The following EPHX2 variants were observed in gnomAD, a reference collection of about 807,000 sequenced individuals.
EPHX2 encodes the protein bifunctional epoxide hydrolase 2.
Under a neutral mutation model 78.7 loss-of-function variants are expected in EPHX2, and 74 were observed. The observed-to-expected ratio is 0.94, with a 90% CI of 0.78 to 1.14. The LOEUF is 1.14. EPHX2 is among the 50% of genes most tolerant of loss of function. EPHX2 has a pLI of 0.00. For missense variants in EPHX2, 715 were observed against 702.5 expected (o/e 1.02, Z -0.20); for synonymous variants, 251 against 255.2 (o/e 0.98, Z 0.16).
intron 12 of EPHX2, among the ~76,000 whole-genome samples, chr8:27,528,791 T>C (rs190829083): frequency 1.5e-4 from 23 of 152,174 alleles, no homozygotes; most frequent in African/African-American, 5.3e-4. Flanking sequence ...CCCCCACTTA[T>C]TTTTTTATTA....
chr8:27,519,561 ATAATT>A (rs1814574229), intron 9 of EPHX2, among the ~76,000 whole-genome samples: 1 of 152,216 alleles, frequency 6.6e-6, no homozygotes, highest in African/African-American at 2.4e-5. Context: ...CATACACTGA[ATAATT>A]CACTGTGCGT....
intron 2 of EPHX2, among the ~76,000 whole-genome samples, chr8:27,502,145 A>C (rs1813823019): frequency 6.6e-6 from 1 of 152,238 alleles, no homozygotes; most frequent in Admixed American, 6.5e-5. Flanking sequence ...CTATCCCAAT[A>C]GATCACTTTT....
intron 2 of EPHX2, among the ~76,000 whole-genome samples, chr8:27,501,324 T>TTTCTTTCTTCTTCTTC (rs1813762178): frequency 9.7e-6 from 1 of 102,914 alleles, no homozygotes; most frequent in African/African-American, 3.7e-5. Flanking sequence ...TGCTATATAT[T>TTTCTTTCTTCTTCTTC]TTCTTCTTCT....
Position 27,544,436 on chromosome 8 carries a change from TC to T in EPHX2, c.1590-3del. On this transcript the variant is annotated splice_region_variant and splice_polypyrimidine_tract_variant and intron_variant, in intron 18 of 18. Coordinates refer to ENST00000521400, the MANE Select transcript of EPHX2 (RefSeq NM_001979.6). ...TATTTTTTTCTTTTACTTCTCCCTT[TC>T]CCCCAGGCCAACCGAGGTGAATCAG... The T allele has an allele frequency of 6.2e-7, 1 of 1,613,920 alleles. No homozygotes were observed. The highest frequency in any genetic ancestry group is 8.5e-7 in the Non-Finnish European group (1 of 1,179,968).
chr8:27,519,948 C>T (rs1814588063), intron 9 of EPHX2, among the ~76,000 whole-genome samples: 1 of 151,966 alleles, frequency 6.6e-6, no homozygotes, highest in African/African-American at 2.4e-5. Flanking sequence ...CTTCCTGTGT[C>T]CTCACGTGCT....
At chr8:27,518,897 C>T (rs920221242) in intron 9 of EPHX2, among the ~76,000 whole-genome samples, 4 of 152,224 alleles carry the variant, frequency 2.6e-5, no homozygotes, top group Non-Finnish European at 5.9e-5. Flanking sequence ...CAAAGTCCTA[C>T]CAAGGTCTCA....
At chr8:27,505,808 G>T (rs1196066487) in intron 4 of EPHX2, among the ~76,000 whole-genome samples, 1 of 152,100 alleles carries the variant, frequency 6.6e-6, no homozygotes, top group Non-Finnish European at 1.5e-5. Flanking sequence ...CAGCCTCAGA[G>T]CAGGGCTCCC....
intron 4 of EPHX2, among the ~76,000 whole-genome samples, chr8:27,505,477 C>T (rs1378559789): frequency 6.6e-6 from 1 of 152,180 alleles, no homozygotes; most frequent in Non-Finnish European, 1.5e-5. Flanking sequence ...GACTAGTAGT[C>T]AGGTTCATCC....
intron 2 of EPHX2, 51 bp from the exon 3 acceptor site, chr8:27,503,553 A>G (rs1813877232): frequency 3.2e-6 from 5 of 1,552,034 alleles, no homozygotes; most frequent in Non-Finnish European, 4.4e-6. Flanking sequence ...AGACCCTGCC[A>G]GAGCTTTTCT....
At chr8:27,548,227 C>T (rs775046250), downstream of EPHX2, among the ~76,000 whole-genome samples, 7 of 152,318 alleles carry the variant, frequency 4.6e-5, no homozygotes, top group East Asian at 1.9e-4. Flanking sequence ...AGGGAACCCA[C>T]GGTTTTAGAC....
At position 27,515,689 on chromosome 8, in the gene EPHX2, C is replaced by A. The variant is rs72475844; in HGVS notation, c.736-29C>A. ...GGGTCCACTGGGCCTGGTGCTTGGTCGCTGCCCTCTCCTCTTTCCCTTCCA... is the reference window on the plus strand; with the variant it reads ...GGGTCCACTGGGCCTGGTGCTTGGTAGCTGCCCTCTCCTCTTTCCCTTCCA... On this transcript the variant is annotated intron_variant, in intron 6 of 18. Transcript: ENST00000521400. The A allele has an allele frequency of 6.3e-4, 1,004 of 1,602,058 alleles. 8 individuals carry two copies. In the African/African-American group the frequency reaches 0.011, roughly 18 times the overall value.
At chr8:27,501,828 G>A (rs570105165) in intron 2 of EPHX2, among the ~76,000 whole-genome samples, 207 of 152,116 alleles carry the variant, frequency 1.4e-3, no homozygotes, top group Non-Finnish European at 2.4e-3. Flanking sequence ...TAACTTCTAG[G>A]AAACTGGCAT....
At chr8:27,538,280 T>C (rs1815276593) in intron 13 of EPHX2, among the ~76,000 whole-genome samples, 1 of 152,240 alleles carries the variant, frequency 6.6e-6, no homozygotes, top group Non-Finnish European at 1.5e-5. Flanking sequence ...CCAGATTTAC[T>C]GGATTTACCA....
chr8:27,523,533 C>G (rs1814721540), intron 11 of EPHX2, among the ~76,000 whole-genome samples: 1 of 152,160 alleles, frequency 6.6e-6, no homozygotes, highest in African/African-American at 2.4e-5. Context: ...CCCTAACTAA[C>G]CCAGTTATTT....
At chr8:27,511,711 C>G (rs1814254697) in intron 5 of EPHX2, 125 bp from the exon 6 acceptor site, 3 of 934,056 alleles carry the variant, frequency 3.2e-6, no homozygotes, top group Non-Finnish European at 5.1e-6. Context: ...GGTCAGCCAC[C>G]AGGAGGGCTC....
At chr8:27,530,762 C>CTTTTTTTTTTTT (rs11343503) in intron 12 of EPHX2, among the ~76,000 whole-genome samples, 1 of 127,362 alleles carries the variant, frequency 7.9e-6, no homozygotes, top group Non-Finnish European at 1.6e-5. Context: ...TAATTTTTTT[C>CTTTTTTTTTTTT]TTTTTTTTTT....
At chr8:27,492,735 C>T in intron 1 of EPHX2, 1 of 167,762 alleles carries the variant, frequency 6.0e-6, no homozygotes, top group Non-Finnish European at 1.2e-5. Context: ...TTTCAATCCT[C>T]CCCGTGATTG....
chr8:27,501,394 T>TTCTTCTGCTTCTGC (rs376633107), intron 2 of EPHX2, among the ~76,000 whole-genome samples: 1 of 73,064 alleles, frequency 1.4e-5, no homozygotes, highest in African/African-American at 4.2e-5. Flanking sequence ...CTTCTTCTTC[T>TTCTTCTGCTTCTGC]TTCTTCTTTC....
At chr8:27,522,330 C>T (rs2132759109) in intron 10 of EPHX2, 93 bp from the exon 11 acceptor site, 1 of 1,212,296 alleles carries the variant, frequency 8.2e-7, no homozygotes, top group East Asian at 2.5e-5. Context: ...GGGAGGAGAC[C>T]CTGGTGTCGA....
Sources: allele counts gnomAD v4.1 joint callset (sites outside exome capture counted in the v4.1 genomes callset), GRCh38; gene constraint gnomAD v4.1.1; transcripts MANE v1.5; gene names NCBI Gene and HGNC (gene_info 2026-07-23, HGNC 2026-07-21).